GCNT2: variants seen among roughly 807,000 people sequenced by gnomAD.
GCNT2 encodes the protein N-acetyllactosaminide beta-1,6-N-acetylglucosaminyl-transferase.
GCNT2 carries 34 observed loss-of-function variants against 34.2 expected under a neutral mutation model. The ratio of observed to expected loss-of-function variants is 1.00; its 90% CI spans 0.76 to 1.32. The LOEUF is 1.32. Ranked by LOEUF, GCNT2 falls within the 40% of genes most tolerant of loss-of-function variation. The pLI, the probability that GCNT2 is intolerant of heterozygous loss-of-function variation, is 0.00. For missense variants in GCNT2, 584 were observed against 489.4 expected (o/e 1.19, Z -1.82); for synonymous variants, 212 against 188.0 (o/e 1.13, Z -1.04).
intron 3 of GCNT2, among the ~76,000 whole-genome samples, chr6:10,612,869 G>A (rs1052700976): frequency 2.6e-5 from 4 of 152,066 alleles, no homozygotes; most frequent in East Asian, 3.8e-4. Flanking sequence ...AGTCCCTTCC[G>A]TAGCTTATTT....
At chr6:10,533,684 G>A (rs1761608277) in intron 3 of GCNT2, among the ~76,000 whole-genome samples, 1 of 151,098 alleles carries the variant, frequency 6.6e-6, no homozygotes, top group African/African-American at 2.4e-5. Flanking sequence ...AGCTACTCGG[G>A]AGACTGAAGC....
At chr6:10,590,127 G>A (rs1764567316) in intron 3 of GCNT2, among the ~76,000 whole-genome samples, 1 of 152,138 alleles carries the variant, frequency 6.6e-6, no homozygotes, top group Non-Finnish European at 1.5e-5. Context: ...GCCGGGCAAG[G>A]TGGCTCCCAC....
At chr6:10,553,171 T>A (rs866249751) in intron 3 of GCNT2, among the ~76,000 whole-genome samples, 3 of 152,304 alleles carry the variant, frequency 2.0e-5, no homozygotes, top group Middle Eastern at 3.4e-3. Context: ...TGTGCATTCG[T>A]ACATGCAATT....
chr6:10,618,069 T>C (rs979624201), intron 3 of GCNT2, among the ~76,000 whole-genome samples: 1 of 152,148 alleles, frequency 6.6e-6, no homozygotes, highest in Non-Finnish European at 1.5e-5. Context: ...TCTGCATTTC[T>C]AACAAGCTTC....
At chr6:10,536,706 C>CT (rs553671576) in intron 3 of GCNT2, among the ~76,000 whole-genome samples, 19,970 of 130,314 alleles carry the variant, frequency 0.15, 1,914 homozygotes, top group African/African-American at 0.27. Context: ...CTGTGAGTTC[C>CT]TTTTTTTTTT....
intron 3 of GCNT2, among the ~76,000 whole-genome samples, chr6:10,531,079 A>G (rs1255053837): frequency 6.6e-6 from 1 of 151,390 alleles, no homozygotes; most frequent in Non-Finnish European, 1.5e-5. Flanking sequence ...TAGTACCTCC[A>G]TTTTATAGAT....
intron 3 of GCNT2, among the ~76,000 whole-genome samples, chr6:10,546,099 C>T (rs1021050465): frequency 1.3e-5 from 2 of 152,140 alleles, no homozygotes; most frequent in African/African-American, 4.8e-5. Context: ...GCTTCCCTGC[C>T]ATGTCTGTGC....
At chr6:10,585,758 C>T in intron 3 of GCNT2, 1 of 1,411,934 alleles carries the variant, frequency 7.1e-7, no homozygotes, top group Non-Finnish European at 9.2e-7. Context: ...CCCTGGGGAA[C>T]TGCAGACCAA....
chr6:10,557,844 T>A (rs1451776282), intron 3 of GCNT2: 1 of 154,332 alleles, frequency 6.5e-6, no homozygotes, highest in Admixed American at 6.4e-5. Context: ...TACTAAGTAA[T>A]ACCTTTCCAT....
At chr6:10,529,934 T>C in intron 3 of GCNT2, 98 bp downstream of exon 3, 1 of 996,536 alleles carries the variant, frequency 1.0e-6, no homozygotes, top group South Asian at 1.4e-5. Context: ...GGGACAAACT[T>C]CTTTACGGTT....
intron 3 of GCNT2, among the ~76,000 whole-genome samples, chr6:10,537,976 G>C (rs1412948296): frequency 6.6e-6 from 1 of 152,024 alleles, no homozygotes; most frequent in Non-Finnish European, 1.5e-5. Context: ...CCGGGAGCTG[G>C]GGTGGCCTGC....
At chr6:10,533,021 T>C (rs1303006849) in intron 3 of GCNT2, among the ~76,000 whole-genome samples, 3 of 150,286 alleles carry the variant, frequency 2.0e-5, no homozygotes, top group Non-Finnish European at 3.0e-5. Flanking sequence ...AAGTAACTAG[T>C]CCAGGCCAGG....
intron 3 of GCNT2, among the ~76,000 whole-genome samples, chr6:10,539,641 A>G (rs1581377573): frequency 2.2e-5 from 1 of 45,070 alleles, no homozygotes; most frequent in Admixed American, 2.0e-4. Context: ...CATTAAATGG[A>G]GAGAGAGAGA....
intron 3 of GCNT2, among the ~76,000 whole-genome samples, chr6:10,565,682 C>T (rs1378249903): frequency 6.6e-6 from 1 of 152,204 alleles, no homozygotes; most frequent in African/African-American, 2.4e-5. Context: ...CCTTTCTCTA[C>T]CTACAACAGT....
At chr6:10,572,508 G>A (rs1297461140) in intron 3 of GCNT2, among the ~76,000 whole-genome samples, 9 of 152,104 alleles carry the variant, frequency 5.9e-5, no homozygotes, top group South Asian at 4.1e-4. Flanking sequence ...CAAGGCAGGC[G>A]GATCATGAAG....
intron 4 of GCNT2, among the ~76,000 whole-genome samples, chr6:10,622,279 T>TGGC (rs1766067094): frequency 6.6e-6 from 1 of 152,196 alleles, no homozygotes; most frequent in African/African-American, 2.4e-5. Context: ...AGGGCTGCCA[T>TGGC]AACAAAGTGG....
intron 3 of GCNT2, among the ~76,000 whole-genome samples, chr6:10,559,397 C>T (rs1161281426): frequency 6.6e-6 from 1 of 152,172 alleles, no homozygotes; most frequent in Non-Finnish European, 1.5e-5. Context: ...TATGCCATGG[C>T]ATGCTGGCTT....
chr6:10,623,842 T>G (rs1418936066), intron 4 of GCNT2, among the ~76,000 whole-genome samples: 1 of 152,184 alleles, frequency 6.6e-6, no homozygotes, highest in Admixed American at 6.5e-5. Flanking sequence ...GGTTCAACAT[T>G]TCAAGCTTTT....
intron 3 of GCNT2, among the ~76,000 whole-genome samples, chr6:10,610,699 C>G (rs538789848): frequency 6.6e-5 from 10 of 152,268 alleles, no homozygotes; most frequent in South Asian, 2.1e-4. Flanking sequence ...ACCATCTACT[C>G]TGGAATGTTG....
Sources: allele counts gnomAD v4.1 joint callset (sites outside exome capture counted in the v4.1 genomes callset), GRCh38; gene constraint gnomAD v4.1.1; transcripts MANE v1.5; gene names NCBI Gene and HGNC (gene_info 2026-07-23, HGNC 2026-07-21).